CCDC175: variants seen among roughly 807,000 people sequenced by gnomAD.
The protein encoded by CCDC175 is coiled-coil domain-containing protein 175.
CCDC175 carries 100 observed loss-of-function variants against 114.6 expected under a neutral mutation model. The observed-to-expected ratio is 0.87, with a 90% CI of 0.74 to 1.03. The LOEUF (loss-of-function observed/expected upper bound fraction) is 1.03, where lower values mean the gene tolerates loss of function less well. Ranked by LOEUF, CCDC175 falls within the 50% of genes least tolerant of loss-of-function variation. The probability of loss-of-function intolerance (pLI) is 0.00; values close to 1 mark genes in which losing one functional copy is unlikely to be tolerated. For missense variants in CCDC175, 880 were observed against 917.8 expected, an observed-to-expected ratio of 0.96 and a Z score of 0.53; for synonymous variants, 306 against 308.7, an observed-to-expected ratio of 0.99 and a Z score of 0.09.
chr14:59,545,128 G>A, intron 9 of CCDC175, 35 bp downstream of exon 9: 2 of 1,522,496 alleles, frequency 1.3e-6, no homozygotes, highest in Non-Finnish European at 1.8e-6. Context: ...CCATAATGAT[G>A]GCATGTTGAA....
In CCDC175 at chr14:59,506,573, C is replaced by G. The variant is rs139863201; in HGVS notation, c.2306-1258G>C. 2.1e-3 allele frequency among the ~76,000 whole-genome samples: 319 copies of G among 152,234 alleles called. 1 individual carries two copies. Among genetic ancestry groups the G allele is most frequent in the African/African-American group, 6.9e-3 (287 of 41,530 alleles). On this transcript the variant is annotated intron_variant, in intron 19 of 19. Transcript: ENST00000537690. ...AAAGTACTGGGATTAGAGGCATGGG[C>G]CACCACACCCAGCTGAGCACAGGGG...
At chr14:59,510,358 AAG>A (rs1305855988) in intron 19 of CCDC175, 1 of 279,738 alleles carries the variant, frequency 3.6e-6, no homozygotes, top group Admixed American at 4.8e-5. Context: ...AAATGTGTAA[AAG>A]AGTTTAAAAA....
chr14:59,523,996 AAAAAAG>A (rs988879566), intron 16 of CCDC175, among the ~76,000 whole-genome samples: 1 of 116,944 alleles, frequency 8.6e-6, no homozygotes, highest in African/African-American at 4.0e-5. Context: ...CTCAAAAAAG[AAAAAAG>A]AAAAAAAAAA....
intron 9 of CCDC175, among the ~76,000 whole-genome samples, chr14:59,544,148 T>C (rs1477026389): frequency 5.9e-5 from 9 of 151,978 alleles, no homozygotes; most frequent in Non-Finnish European, 8.8e-5. Context: ...TCTCAGCGTG[T>C]GGATTGATAA....
intron 17 of CCDC175, among the ~76,000 whole-genome samples, chr14:59,518,257 A>G (rs1382588323): frequency 6.6e-6 from 1 of 152,210 alleles, no homozygotes; most frequent in African/African-American, 2.4e-5. Context: ...GGACATAGGC[A>G]TGGGCAAGGA....
rs11379946 is a variant in CCDC175, at chr14:59,540,493, C to CAA, written c.1355+180_1355+181dup. On this transcript the variant is annotated intron_variant, in intron 11 of 19. Coordinates refer to ENST00000537690, the MANE Select transcript of CCDC175 (RefSeq NM_001164399.2). ...GGAAAACTTTGATTCTGTTCAATGC[C>CAA]AAAAAAAAAAAAATCAAATTAACCA... Among the ~76,000 whole-genome samples, 1,422 of 144,722 alleles carry CAA rather than the reference C, an allele frequency of 9.8e-3. 14 individuals are homozygous for CAA. The highest frequency in any genetic ancestry group is 0.03 in the African/African-American group (1,153 of 38,630). 94.9% of individuals were successfully genotyped at this position (144,722 alleles called of 152,430 possible).
chr14:59,544,045 C>G (rs1347780985), intron 9 of CCDC175, among the ~76,000 whole-genome samples: 2 of 152,160 alleles, frequency 1.3e-5, no homozygotes, highest in African/African-American at 4.8e-5. Context: ...TTAGCTTCAC[C>G]TGTGAATAAG....
At chr14:59,553,438 C>T (rs2140080589) in intron 7 of CCDC175, among the ~76,000 whole-genome samples, 1 of 152,302 alleles carries the variant, frequency 6.6e-6, no homozygotes, top group South Asian at 2.1e-4. Context: ...ACCACCAGGC[C>T]TGCCCTACAA....
chr14:59,523,439 A>AT (rs1466882458), intron 16 of CCDC175, among the ~76,000 whole-genome samples: 3 of 152,158 alleles, frequency 2.0e-5, no homozygotes, highest in Admixed American at 6.5e-5. Context: ...CTAGTCACTG[A>AT]TTTTTTTCTA....
Position 59,516,620 on chromosome 14 carries a change from A to G in CCDC175, c.2099-4817T>C, listed in dbSNP as rs565176244. ...TACACCCTCCGAAGACTAAACCAGG[A>G]AGAAGTTGAATCTCTGAATAGACCA... On this transcript the variant is annotated intron_variant, in intron 17 of 19. Transcript: ENST00000537690. Among the ~76,000 whole-genome samples the G allele has an allele frequency of 4.5e-3, 681 of 152,366 alleles. 2 individuals are homozygous for G. The highest frequency in any genetic ancestry group is 0.015 in the African/African-American group (642 of 41,586).
At chr14:59,524,044 C>T (rs1167137508) in intron 16 of CCDC175, among the ~76,000 whole-genome samples, 2 of 151,922 alleles carry the variant, frequency 1.3e-5, no homozygotes, top group East Asian at 1.9e-4. Context: ...AGCAGTTATT[C>T]CCATTTTAAG....
chr14:59,508,399 TACACACACACACACACACACAC>T (rs71451066), intron 19 of CCDC175, among the ~76,000 whole-genome samples: 1 of 97,350 alleles, frequency 1.0e-5, no homozygotes, highest in Non-Finnish European at 1.9e-5. Context: ...GTCTCCAAAA[TACACACACACACACACACACAC>T]ACACACACAC....
intron 17 of CCDC175, among the ~76,000 whole-genome samples, chr14:59,520,964 C>G (rs921090682): frequency 6.6e-6 from 1 of 152,080 alleles, no homozygotes; most frequent in Non-Finnish European, 1.5e-5. Context: ...AAAATGGGTG[C>G]ATTTTTTGTA....
chr14:59,551,010 T>C (rs1895439605), intron 8 of CCDC175, among the ~76,000 whole-genome samples: 1 of 152,216 alleles, frequency 6.6e-6, no homozygotes. Context: ...AGCAGGTTGC[T>C]GCACTTCACA....
chr14:59,556,519 C>G (rs1338042969), intron 7 of CCDC175, among the ~76,000 whole-genome samples: 1 of 152,158 alleles, frequency 6.6e-6, no homozygotes, highest in Non-Finnish European at 1.5e-5. Flanking sequence ...TAGAAGAAAA[C>G]CTAGGCAATA....
intron 8 of CCDC175, among the ~76,000 whole-genome samples, chr14:59,549,320 C>G (rs1382523335): frequency 1.3e-5 from 2 of 152,106 alleles, no homozygotes; most frequent in African/African-American, 4.8e-5. Flanking sequence ...TCACAACCAG[C>G]CGAGGCAACA....
chr14:59,523,870 TC>T (rs1157816555), intron 16 of CCDC175, among the ~76,000 whole-genome samples: 2 of 151,934 alleles, frequency 1.3e-5, no homozygotes, highest in African/African-American at 2.4e-5. Flanking sequence ...GCACCTGTAG[TC>T]CCAGCTACTC....
chr14:59,519,331 T>G (rs1415301699), intron 17 of CCDC175, among the ~76,000 whole-genome samples: 1 of 151,750 alleles, frequency 6.6e-6, no homozygotes, highest in Non-Finnish European at 1.5e-5. Context: ...AAAAAAAAGT[T>G]CACTTGAAAT....
At chr14:59,540,570 T>A in intron 11 of CCDC175, 105 bp downstream of exon 11, 1 of 1,205,666 alleles carries the variant, frequency 8.3e-7, no homozygotes, top group Non-Finnish European at 1.1e-6. Context: ...ATCATTCCCT[T>A]GGGTTCTAGT....
Sources: allele counts gnomAD v4.1 joint callset (sites outside exome capture counted in the v4.1 genomes callset), GRCh38; gene constraint gnomAD v4.1.1; transcripts MANE v1.5; gene names NCBI Gene and HGNC (gene_info 2026-07-23, HGNC 2026-07-21).